The following ADGRB3 variants were observed in gnomAD, a reference collection of about 807,000 sequenced individuals.
ADGRB3 encodes brain-specific angiogenesis inhibitor 3.
ADGRB3 carries 37 observed loss-of-function variants against 193.4 expected under a neutral mutation model. The observed-to-expected ratio is 0.19, with a 90% CI of 0.15 to 0.25. ADGRB3 has a LOEUF of 0.25. Ranked by LOEUF, ADGRB3 falls within the 10% of genes least tolerant of loss-of-function variation. The pLI is 1.00. For missense variants in ADGRB3, 1,637 were observed against 1,852.9 expected (o/e 0.88, Z 2.14); for synonymous variants, 690 against 644.2 (o/e 1.07, Z -1.08).
chr6:69,371,232 G>T (rs527252022), intron 29 of ADGRB3, among the ~76,000 whole-genome samples: 1 of 152,052 alleles, frequency 6.6e-6, no homozygotes, highest in African/African-American at 2.4e-5. Flanking sequence ...GTGGTTTGGG[G>T]ATTAGGTATA....
chr6:69,214,649 G>A (rs1477188293), intron 17 of ADGRB3, among the ~76,000 whole-genome samples: 1 of 151,932 alleles, frequency 6.6e-6, no homozygotes, highest in East Asian at 1.9e-4. Context: ...TGACTTTGAA[G>A]CATGCTGGGT....
chr6:68,838,256 CA>C (rs1304640856), intron 3 of ADGRB3, among the ~76,000 whole-genome samples: 2 of 152,120 alleles, frequency 1.3e-5, no homozygotes, highest in Non-Finnish European at 2.9e-5. Flanking sequence ...TTAATGTTAA[CA>C]GATCAGAGGG....
At chr6:68,955,142 T>A (rs1057189932) in intron 6 of ADGRB3, among the ~76,000 whole-genome samples, 1 of 152,192 alleles carries the variant, frequency 6.6e-6, no homozygotes, top group Non-Finnish European at 1.5e-5. Flanking sequence ...ATGATTCTTC[T>A]TCCAAAGATC....
At chr6:68,777,246 A>G (rs986621669) in intron 3 of ADGRB3, among the ~76,000 whole-genome samples, 1 of 152,130 alleles carries the variant, frequency 6.6e-6, no homozygotes, top group Non-Finnish European at 1.5e-5. Flanking sequence ...CATTGCCAAC[A>G]AGCATCATGT....
At chr6:69,321,460 A>G (rs1429111720) in intron 20 of ADGRB3, among the ~76,000 whole-genome samples, 2 of 151,828 alleles carry the variant, frequency 1.3e-5, no homozygotes, top group Non-Finnish European at 2.9e-5. Context: ...AGACATTTGA[A>G]TAAAGAAAAA....
At chr6:68,724,634 A>G (rs1463100127) in intron 3 of ADGRB3, among the ~76,000 whole-genome samples, 1 of 150,996 alleles carries the variant, frequency 6.6e-6, no homozygotes, top group Non-Finnish European at 1.5e-5. Flanking sequence ...TAGAGATGTG[A>G]TTCTGACAGT....
At chr6:68,697,891 T>G (rs1415701226) in intron 3 of ADGRB3, among the ~76,000 whole-genome samples, 2 of 151,768 alleles carry the variant, frequency 1.3e-5, no homozygotes, top group Non-Finnish European at 2.9e-5. Flanking sequence ...TACAAGTTAT[T>G]TATATAATAT....
At chr6:68,958,870 AGTGTGT>A (rs66559521) in intron 8 of ADGRB3, among the ~76,000 whole-genome samples, 29,354 of 147,162 alleles carry the variant, frequency 0.2, 3,636 homozygotes, top group East Asian at 0.53. Flanking sequence ...AAAGAAAAAT[AGTGTGT>A]GTGTGTGTGT....
chr6:69,089,746 T>A (rs1304540238), intron 17 of ADGRB3, among the ~76,000 whole-genome samples: 1 of 152,184 alleles, frequency 6.6e-6, no homozygotes, highest in Admixed American at 6.5e-5. Context: ...TGGTTCTTTC[T>A]CTACCAAGTA....
At chr6:68,641,317 G>A (rs1452638805) in intron 3 of ADGRB3, among the ~76,000 whole-genome samples, 1 of 152,084 alleles carries the variant, frequency 6.6e-6, no homozygotes, top group Non-Finnish European at 1.5e-5. Flanking sequence ...TCATGATCCC[G>A]AGATGTGGGT....
At chr6:69,265,766 A>C (rs1052864497) in intron 20 of ADGRB3, among the ~76,000 whole-genome samples, 1 of 151,968 alleles carries the variant, frequency 6.6e-6, no homozygotes, top group Non-Finnish European at 1.5e-5. Context: ...CTGTCTCTAC[A>C]TGTGTCCTGA....
chr6:68,771,980 G>C (rs572842924), intron 3 of ADGRB3, among the ~76,000 whole-genome samples: 9 of 152,190 alleles, frequency 5.9e-5, no homozygotes, highest in African/African-American at 2.2e-4. Flanking sequence ...CTACAGCTCT[G>C]CTTGTCACTT....
At chr6:69,107,445 C>T (rs886171339) in intron 17 of ADGRB3, among the ~76,000 whole-genome samples, 1 of 152,114 alleles carries the variant, frequency 6.6e-6, no homozygotes, top group African/African-American at 2.4e-5. Context: ...ATGCAAGGTG[C>T]TAGGAGTAAA....
At chr6:68,877,763 A>G (rs565448195) in intron 3 of ADGRB3, among the ~76,000 whole-genome samples, 43 of 152,266 alleles carry the variant, frequency 2.8e-4, no homozygotes, top group Non-Finnish European at 5.3e-4. Context: ...ACCAATTTAT[A>G]TCAAGGACTT....
intron 17 of ADGRB3, among the ~76,000 whole-genome samples, chr6:69,212,605 C>T (rs935413173): frequency 6.6e-6 from 1 of 152,066 alleles, no homozygotes; most frequent in Non-Finnish European, 1.5e-5. Context: ...TCAAATTGCA[C>T]TGCTTGATTG....
At chr6:68,746,337 T>C (rs1271246517) in intron 3 of ADGRB3, among the ~76,000 whole-genome samples, 1 of 152,084 alleles carries the variant, frequency 6.6e-6, no homozygotes, top group African/African-American at 2.4e-5. Context: ...CTCTTGTTTG[T>C]ATCCTTAATT....
chr6:69,295,771 T>G (rs960150484), intron 20 of ADGRB3, among the ~76,000 whole-genome samples: 11 of 152,166 alleles, frequency 7.2e-5, no homozygotes, highest in Admixed American at 7.2e-4. Flanking sequence ...TGAACCATTC[T>G]TAATGGAGTC....
chr6:68,745,256 T>G (rs546453951), intron 3 of ADGRB3, among the ~76,000 whole-genome samples: 1 of 152,280 alleles, frequency 6.6e-6, no homozygotes, highest in East Asian at 1.9e-4. Flanking sequence ...ATGGAATATT[T>G]TTCAGCCTTA....
At chr6:69,331,618 T>A in intron 23 of ADGRB3, 3 of 985,394 alleles carry the variant, frequency 3.0e-6, no homozygotes, top group Non-Finnish European at 3.6e-6. Context: ...GCAAGAATCT[T>A]AGTGCAAAGG....
Sources: allele counts gnomAD v4.1 joint callset (sites outside exome capture counted in the v4.1 genomes callset), GRCh38; gene constraint gnomAD v4.1.1; transcripts MANE v1.5; gene names NCBI Gene and HGNC (gene_info 2026-07-23, HGNC 2026-07-21).